Variants in HDLBP observed in about 807,000 individuals in gnomAD.
HDLBP encodes the protein vigilin.
HDLBP carries 30 observed loss-of-function variants against 137.3 expected under a neutral mutation model. That is an observed-to-expected ratio of 0.22 (90% CI 0.16 to 0.30). HDLBP has a LOEUF of 0.30. Ranked by LOEUF, HDLBP falls within the 10% of genes least tolerant of loss-of-function variation. The pLI is 1.00. For missense variants in HDLBP, 1,119 were observed against 1,667.3 expected, an observed-to-expected ratio of 0.67 and a Z score of 5.73; for synonymous variants, 606 against 596.0, an observed-to-expected ratio of 1.02 and a Z score of -0.24.
chr2:241,297,573 G>C (rs932103165), intron 1 of HDLBP, among the ~76,000 whole-genome samples: 1 of 152,018 alleles, frequency 6.6e-6, no homozygotes, highest in Non-Finnish European at 1.5e-5. Flanking sequence ...AGAGGGCCTG[G>C]GTATAGTAAC....
At chr2:241,250,091 C>T in intron 11 of HDLBP, 111 bp from the exon 12 acceptor site, 5 of 1,098,738 alleles carry the variant, frequency 4.6e-6, no homozygotes, top group Non-Finnish European at 6.4e-6. Context: ...CTGTGATTCC[C>T]ATCACCAAAA....
At chr2:241,236,985 G>C (rs74460469) in intron 20 of HDLBP, among the ~76,000 whole-genome samples, 2,610 of 148,234 alleles carry the variant, frequency 0.018, 186 homozygotes, top group African/African-American at 0.06. Context: ...CTTGGGGGGG[G>C]GGGGGGGGGC....
chr2:241,287,915 T>C (rs1246334924), intron 1 of HDLBP, among the ~76,000 whole-genome samples: 1 of 152,212 alleles, frequency 6.6e-6, no homozygotes, highest in Non-Finnish European at 1.5e-5. Context: ...ACAATTCTGC[T>C]GTGAAGCTGT....
intron 1 of HDLBP, among the ~76,000 whole-genome samples, chr2:241,303,016 C>T (rs1335030780): frequency 6.6e-6 from 1 of 152,202 alleles, no homozygotes; most frequent in Non-Finnish European, 1.5e-5. Flanking sequence ...TTGGGCAGGA[C>T]TAACACGCAG....
intron 1 of HDLBP, among the ~76,000 whole-genome samples, chr2:241,313,232 TCA>T (rs1415994308): frequency 6.6e-6 from 1 of 152,208 alleles, no homozygotes; most frequent in Non-Finnish European, 1.5e-5. Context: ...AATAAGTCTC[TCA>T]CACTAGACCA....
chr2:241,289,028 G>C (rs2074924809), intron 1 of HDLBP, among the ~76,000 whole-genome samples: 1 of 152,194 alleles, frequency 6.6e-6, no homozygotes, highest in South Asian at 2.1e-4. Context: ...TGTTTATAAA[G>C]AACTCTGTTA....
At position 241,229,566 on chromosome 2, in the gene HDLBP, C is replaced by T; in HGVS notation, c.*35G>A. ...AACCATTGTGTGGTTGGGTTTGGGTCAGCAGGCTGGAGAGGGTTCTGTTCT... is the reference window on the plus strand; with the variant it reads ...AACCATTGTGTGGTTGGGTTTGGGTTAGCAGGCTGGAGAGGGTTCTGTTCT... On this transcript the variant is annotated 3_prime_UTR_variant, in exon 28 of 28. Transcript: ENST00000310931. The T allele has an allele frequency of 2.0e-6, 3 of 1,528,470 alleles. No individual in the cohort carries two copies. The highest frequency in any genetic ancestry group is 2.7e-6 in the Non-Finnish European group (3 of 1,104,648). 94.7% of individuals were successfully genotyped at this position (1,528,470 alleles called of 1,614,324 possible).
intron 1 of HDLBP, among the ~76,000 whole-genome samples, chr2:241,279,517 G>A (rs914620106): frequency 1.3e-5 from 2 of 152,260 alleles, no homozygotes; most frequent in South Asian, 4.2e-4. Flanking sequence ...TGCTAGTGCC[G>A]GGGACAGACA....
At chr2:241,285,339 C>A (rs1030133611) in intron 1 of HDLBP, among the ~76,000 whole-genome samples, 3 of 152,160 alleles carry the variant, frequency 2.0e-5, no homozygotes, top group African/African-American at 7.2e-5. Flanking sequence ...TGCAGTGTGC[C>A]TGATGTGCAC....
intron 24 of HDLBP, among the ~76,000 whole-genome samples, chr2:241,232,448 A>G (rs781707616): frequency 1.4e-4 from 21 of 151,924 alleles, no homozygotes; most frequent in Admixed American, 3.3e-4. Flanking sequence ...GCTAATTTTC[A>G]TATTTTTAGT....
intron 1 of HDLBP, among the ~76,000 whole-genome samples, chr2:241,274,984 G>T (rs555439527): frequency 1.3e-5 from 2 of 152,214 alleles, no homozygotes; most frequent in African/African-American, 4.8e-5. Context: ...CCAGAAGATA[G>T]GTAGATCAAA....
intron 1 of HDLBP, among the ~76,000 whole-genome samples, chr2:241,307,331 T>C (rs2149713725): frequency 6.6e-6 from 1 of 152,360 alleles, no homozygotes; most frequent in South Asian, 2.1e-4. Context: ...CTGTTGACTT[T>C]GACATCAGCC....
chr2:241,235,419 A>G, intron 22 of HDLBP, 71 bp downstream of exon 22: 1 of 1,457,836 alleles, frequency 6.9e-7, no homozygotes, highest in Non-Finnish European at 9.6e-7. Context: ...AAGTTGAGAA[A>G]GGACACTGGC....
rs2070972833 is a variant in HDLBP at position 241,239,416 on chromosome 2, C to CA, written c.2610+185dup. 6.6e-6 allele frequency among the ~76,000 whole-genome samples: 1 copy of CA among 151,706 alleles called. No individual in the cohort carries two copies. The highest frequency in any genetic ancestry group is 1.5e-5 in the Non-Finnish European group (1 of 67,934). The stretch of plus-strand genomic sequence containing the variant: ...TGCTTCTCGCAGGCAGAATTCTCAC[C>CA]AACTATCAGGAAGGAGGCCAGACAG... On this transcript the variant is annotated intron_variant, in intron 19 of 27. Transcript: ENST00000310931. This position sits in a 1 kb window ranked among gnomAD's most constrained non-coding sequence, Gnocchi z 4.6.
intron 1 of HDLBP, among the ~76,000 whole-genome samples, chr2:241,305,976 G>A (rs2075557935): frequency 1.3e-5 from 2 of 151,862 alleles, no homozygotes; most frequent in South Asian, 4.2e-4. Flanking sequence ...TAGCCAGGAT[G>A]GTCTCGATCT....
chr2:241,275,988 A>G (rs1179783748), intron 1 of HDLBP, among the ~76,000 whole-genome samples: 1 of 152,202 alleles, frequency 6.6e-6, no homozygotes, highest in African/African-American at 2.4e-5. Context: ...AGATAAAGTG[A>G]AACAAGTGGT....
intron 8 of HDLBP, 86 bp downstream of exon 8, chr2:241,255,288 C>T (rs2072526694): frequency 6.9e-7 from 1 of 1,444,440 alleles, no homozygotes; most frequent in Non-Finnish European, 9.7e-7. Context: ...TGTCCAGGCC[C>T]CAGGATTTAC....
rs1320252913 is a variant in HDLBP, at chr2:241,236,539, T to C, written c.2904+76A>G. On this transcript the variant is annotated intron_variant, in intron 21 of 27. Transcript: ENST00000310931. ...GCCGCTTGGGCAACCGTCCATCCCA[T>C]CCAGGCCACGCGTCTCCCCAGGTGC... 1.7e-5 allele frequency: 25 copies of C among 1,489,826 alleles called. 1 individual carries two copies. In the African/African-American group the frequency reaches 2.9e-4, roughly 17 times the overall value. The allele number at this position is 1,489,826 out of a possible 1,614,324, so 92.3% of individuals were successfully genotyped here.
chr2:241,299,505 CAAAAAAAA>C (rs11423330), intron 1 of HDLBP, among the ~76,000 whole-genome samples: 5 of 49,596 alleles, frequency 1.0e-4, no homozygotes, highest in Admixed American at 2.8e-4. Context: ...GGCTCCGTCT[CAAAAAAAA>C]AAAAAAAAAA....
Sources: gnomAD v4.1 joint callset for allele counts (sites outside exome capture counted in the v4.1 genomes callset) on GRCh38, gnomAD v4.1.1 for gene constraint, Gnocchi (gnomAD v3.1) non-coding constraint, MANE v1.5 for transcripts, NCBI Gene and HGNC (gene_info 2026-07-23, HGNC 2026-07-21) for gene names.